COPS5: variants seen among roughly 807,000 people sequenced by gnomAD.
COPS5 encodes COP9 signalosome complex subunit 5.
COPS5 carries 8 observed loss-of-function variants against 44.4 expected under a neutral mutation model. That is an observed-to-expected ratio of 0.18 (90% CI 0.11 to 0.32). The LOEUF is 0.32. Ranked by LOEUF, COPS5 falls within the 10% of genes least tolerant of loss-of-function variation. The pLI, the probability that COPS5 is intolerant of heterozygous loss-of-function variation, is 1.00. For synonymous variants in COPS5, 122 were observed against 142.8 expected (o/e 0.85, Z 1.04); for missense variants, 159 against 406.4 (o/e 0.39, Z 5.23).
At position 67,043,275 on chromosome 8, in the gene COPS5, C is replaced by T. The variant is rs761271209; in HGVS notation, c.963G>A (p.Gln321=). ...TIEAIHGLMS[Q]VIKDKLFNQI... The stretch of plus-strand genomic sequence containing the variant: ...GATTAAACAGTTTATCCTTAATAAC[C>T]TGAGACATCAATCCATGGATAGCTT... The change falls in exon 8 of 8, where the codon CAG becomes CAA. Residue 321 remains glutamine (Q), a synonymous_variant. Transcript: ENST00000357849. The T allele has an allele frequency of 6.2e-7, 1 of 1,603,280 alleles. No individual in the cohort carries two copies. Among genetic ancestry groups the T allele is most frequent in the Non-Finnish European group, 8.5e-7 (1 of 1,172,380 alleles).
chr8:67,043,381 C>T, intron 7 of COPS5, 64 bp from the exon 8 acceptor site: 1 of 978,010 alleles, frequency 1.0e-6, no homozygotes. Context: ...CACACAAGAT[C>T]AGCCCCAATC....
Position 67,062,071 on chromosome 8 carries a change from C to T in COPS5, c.-75G>A. 2 of 1,605,392 alleles carry T rather than the reference C, an allele frequency of 1.2e-6. No homozygotes were observed. Among genetic ancestry groups the T allele is most frequent in the Admixed American group, 1.7e-5 (1 of 58,738 alleles). ...ACCTCGCTAGGTTTCCGGGTGTGGG[C>T]CTTGACCCTCCGCACCACGGGAACA... On this transcript the variant is annotated 5_prime_UTR_variant, in exon 1 of 8. Transcript: ENST00000357849.
In COPS5 at chr8:67,060,305, T is replaced by C. The variant is rs1299949994; in HGVS notation, c.144-860A>G. On this transcript the variant is annotated intron_variant, in intron 1 of 7. Coordinates refer to ENST00000357849, the MANE Select transcript of COPS5 (RefSeq NM_006837.3). Reference sequence around the variant, plus strand: ...AGGCAGGCCAACAGTTTCCAAATATTTAAGAGTACACGAACCTAAAATGCA... The same window carrying C: ...AGGCAGGCCAACAGTTTCCAAATATCTAAGAGTACACGAACCTAAAATGCA... The C allele has an allele frequency of 2.6e-6, 3 of 1,152,024 alleles. No individual in the cohort carries two copies. In the Admixed American group the frequency reaches 1.2e-4, roughly 46 times the overall value. The allele number at this position is 1,152,024 out of a possible 1,614,324, so 71.4% of individuals were successfully genotyped here.
intron 6 of COPS5, among the ~76,000 whole-genome samples, chr8:67,050,741 T>A (rs1293083147): frequency 6.9e-6 from 1 of 145,350 alleles, no homozygotes; most frequent in African/African-American, 2.6e-5. Context: ...TAGCGTTAAC[T>A]AAGATGAAAT....
chr8:67,057,947 G>A (rs1804536041), intron 3 of COPS5, 136 bp downstream of exon 3: 1 of 872,402 alleles, frequency 1.1e-6, no homozygotes, highest in Non-Finnish European at 1.8e-6. Context: ...GCTTCTAAGA[G>A]ATGGAATTCA....
chr8:67,043,375 C>A (rs925227191), intron 7 of COPS5, 58 bp from the exon 8 acceptor site: 1 of 1,053,644 alleles, frequency 9.5e-7, no homozygotes, highest in South Asian at 1.4e-5. Flanking sequence ...TTCAAACACA[C>A]AAGATCAGCC....
chr8:67,046,547 G>GC lies in COPS5; in HGVS notation c.772-588dup, dbSNP rs538759532. Among the ~76,000 whole-genome samples the GC allele has an allele frequency of 8.9e-4, 135 of 152,066 alleles. 6 individuals are homozygous for GC. In the South Asian group the frequency reaches 0.027, roughly 30 times the overall value. ...TTTTAAAAGCTTTTCTGGGTCGGGC[G>GC]CGGTGGCTCATGCCTGTAATCCCAG... On this transcript the variant is annotated intron_variant, in intron 6 of 7. Coordinates refer to ENST00000357849, the MANE Select transcript of COPS5 (RefSeq NM_006837.3).
chr8:67,051,298 G>A lies in COPS5; in HGVS notation c.703C>T (p.Arg235Cys), dbSNP rs1378846658. Residue 235 changes from arginine to cysteine, a missense_variant, in exon 6 of 8, where the codon CGC (arginine) becomes TGC (cysteine). Arg to Cys is a radical substitution (Grantham distance 180, BLOSUM62 -3). Coordinates refer to ENST00000357849, the MANE Select transcript of COPS5 (RefSeq NM_006837.3). ...EVSYFKSSLD[R>C]KLLELLWNKY... ...TTCCACAACAGCTCAAGCAATTTGCGATCCAAAGAGGATTTGAAATATGAG... is the reference window on the plus strand; with the variant it reads ...TTCCACAACAGCTCAAGCAATTTGCAATCCAAAGAGGATTTGAAATATGAG... 1 of 1,611,480 alleles carries A rather than the reference G, an allele frequency of 6.2e-7. No homozygotes were observed. Among genetic ancestry groups the A allele is most frequent in the Non-Finnish European group, 8.5e-7 (1 of 1,178,866 alleles).
intron 5 of COPS5, among the ~76,000 whole-genome samples, chr8:67,055,382 A>C (rs910993706): frequency 1.3e-5 from 2 of 152,196 alleles, no homozygotes; most frequent in Non-Finnish European, 2.9e-5. Flanking sequence ...TAAGAAGTGA[A>C]GGGCACAAGT....
At chr8:67,051,562 A>C (rs929558374) in intron 5 of COPS5, among the ~76,000 whole-genome samples, 1 of 152,136 alleles carries the variant, frequency 6.6e-6, no homozygotes, top group South Asian at 2.1e-4. Flanking sequence ...TTTTTTCTGT[A>C]GAGCCCAGAA....
intron 5 of COPS5, among the ~76,000 whole-genome samples, chr8:67,054,199 A>C (rs1311715290): frequency 6.6e-6 from 1 of 152,162 alleles, no homozygotes; most frequent in Non-Finnish European, 1.5e-5. Context: ...AAAGTTATTT[A>C]AGGAAGACAG....
At chr8:67,057,657 G>C (rs2129537984) in intron 3 of COPS5, among the ~76,000 whole-genome samples, 1 of 152,252 alleles carries the variant, frequency 6.6e-6, no homozygotes, top group Non-Finnish European at 1.5e-5. Context: ...TAACATTTAA[G>C]AATATTATTT....
chr8:67,056,168 G>T (rs1208009491), intron 5 of COPS5, among the ~76,000 whole-genome samples: 1 of 151,816 alleles, frequency 6.6e-6, no homozygotes, highest in African/African-American at 2.4e-5. Flanking sequence ...AAATGCAAAA[G>T]AAAAAAATTT....
chr8:67,058,350 A>C (rs577788279), intron 2 of COPS5, 139 bp from the exon 3 acceptor site: 35 of 709,516 alleles, frequency 4.9e-5, no homozygotes, highest in Non-Finnish European at 7.8e-5. Context: ...TGCGAAATCT[A>C]TGGGCAATTG....
chr8:67,047,522 T>C (rs568437265), intron 6 of COPS5, among the ~76,000 whole-genome samples: 31 of 152,316 alleles, frequency 2.0e-4, no homozygotes, highest in African/African-American at 6.7e-4. Flanking sequence ...AGAAAATGAA[T>C]ATACTAAACT....
chr8:67,053,065 TAA>T (rs556465914), intron 5 of COPS5, among the ~76,000 whole-genome samples: 277 of 152,034 alleles, frequency 1.8e-3, no homozygotes, highest in African/African-American at 6.4e-3. Context: ...GTGCGAAAGA[TAA>T]AGACACATAG....
At chr8:67,056,636 GA>G (rs375914469) in intron 4 of COPS5, 32 bp from the exon 5 acceptor site, 1,308 of 14,142 alleles carry the variant, frequency 0.092, 31 homozygotes, top group East Asian at 0.12. Flanking sequence ...AGAAGATTAA[GA>G]AAAAAAAAAA....
chr8:67,055,586 G>A (rs531220783), intron 5 of COPS5, among the ~76,000 whole-genome samples: 1 of 152,198 alleles, frequency 6.6e-6, no homozygotes, highest in Non-Finnish European at 1.5e-5. Flanking sequence ...AAGGTACGTA[G>A]GCCGGGCACA....
At chr8:67,054,908 G>A (rs1804480811) in intron 5 of COPS5, among the ~76,000 whole-genome samples, 1 of 152,168 alleles carries the variant, frequency 6.6e-6, no homozygotes, top group Non-Finnish European at 1.5e-5. Context: ...AAACATATCA[G>A]ATGGTTACAG....
Sources: gnomAD v4.1 joint callset for allele counts (sites outside exome capture counted in the v4.1 genomes callset) on GRCh38, gnomAD v4.1.1 for gene constraint, MANE v1.5 for transcripts, NCBI Gene and HGNC (gene_info 2026-07-23, HGNC 2026-07-21) for gene names.